ANK3: variants seen among roughly 807,000 people sequenced by gnomAD.
ANK3 encodes ankyrin-3.
ANK3 carries 57 observed loss-of-function variants against 370.9 expected under a neutral mutation model. The ratio of observed to expected loss-of-function variants is 0.15; its 90% CI spans 0.12 to 0.19. The LOEUF (loss-of-function observed/expected upper bound fraction) is 0.19, where lower values mean the gene tolerates loss of function less well. ANK3 is among the 10% of genes least tolerant of loss of function. The pLI is 1.00. For missense variants in ANK3, 4,439 were observed against 5,302.1 expected (o/e 0.84, Z 5.06); for synonymous variants, 1,929 against 1,946.3 (o/e 0.99, Z 0.23).
chr10:60,094,698 CA>C (rs879827729), intron 28 of ANK3, among the ~76,000 whole-genome samples: 62 of 146,614 alleles, frequency 4.2e-4, no homozygotes, highest in South Asian at 1.3e-3. Flanking sequence ...TTGCATAAGT[CA>C]AAAAAAAAAT....
chr10:60,139,870 A>C (rs531151386), intron 23 of ANK3: 82 of 160,190 alleles, frequency 5.1e-4, no homozygotes, highest in African/African-American at 1.4e-3. Context: ...CCACATTCCA[A>C]GAGTGACAAG....
At position 60,674,019 on chromosome 10, in the gene ANK3, C is replaced by A. The variant is rs1269843048; in HGVS notation, c.58-58795G>T. On this transcript the variant is annotated intron_variant, in intron 1 of 43. Transcript: ENST00000373827. ...AGCAGTACATGAGTTTGGGCCAAAGCCTACTGGAGCCATAAATGTTTAGTA... is the reference window on the plus strand; with the variant it reads ...AGCAGTACATGAGTTTGGGCCAAAGACTACTGGAGCCATAAATGTTTAGTA... Among the ~76,000 whole-genome samples, 5 of 152,104 alleles carry A rather than the reference C, an allele frequency of 3.3e-5. No homozygotes were observed. In the South Asian group the frequency reaches 1.0e-3, roughly 31 times the overall value.
At chr10:60,627,480 T>G (rs1394703765) in intron 1 of ANK3, among the ~76,000 whole-genome samples, 2 of 152,114 alleles carry the variant, frequency 1.3e-5, no homozygotes, top group Non-Finnish European at 2.9e-5. Context: ...AATAAAGGTC[T>G]TAATGATCAA....
intron 1 of ANK3, among the ~76,000 whole-genome samples, chr10:60,690,292 C>T (rs1564560294): frequency 2.0e-5 from 3 of 152,082 alleles, no homozygotes; most frequent in Non-Finnish European, 2.9e-5. Flanking sequence ...TCACCTCACC[C>T]GGGAAGCACA....
intron 1 of ANK3, among the ~76,000 whole-genome samples, chr10:60,671,745 C>T (rs993487789): frequency 6.6e-6 from 1 of 152,194 alleles, no homozygotes; most frequent in Non-Finnish European, 1.5e-5. Context: ...TAGGACCACT[C>T]ACAGTGGGGA....
intron 25 of ANK3, among the ~76,000 whole-genome samples, chr10:60,126,145 C>A (rs1055290140): frequency 5.9e-5 from 9 of 152,112 alleles, no homozygotes; most frequent in Non-Finnish European, 1.5e-5. Context: ...TCTTCTAAAC[C>A]AGTCACTATT....
chr10:60,405,090 G>T (rs2063426012), intron 2 of ANK3, among the ~76,000 whole-genome samples: 1 of 152,092 alleles, frequency 6.6e-6, no homozygotes, highest in African/African-American at 2.4e-5. Flanking sequence ...GTGTGAAATT[G>T]CACAACCACT....
intron 35 of ANK3, chr10:60,081,477 T>C (rs1288112583): frequency 4.6e-6 from 2 of 434,984 alleles, no homozygotes; most frequent in Non-Finnish European, 9.1e-6. Flanking sequence ...CTAATTATCA[T>C]ATAACTTAGA....
At chr10:60,218,489 T>G (rs1486545245) in intron 8 of ANK3, among the ~76,000 whole-genome samples, 1 of 152,188 alleles carries the variant, frequency 6.6e-6, no homozygotes, top group African/African-American at 2.4e-5. Context: ...GGTAATGGAA[T>G]CCCTCAGCAT....
intron 2 of ANK3, among the ~76,000 whole-genome samples, chr10:60,536,182 A>G (rs1256551304): frequency 6.6e-6 from 1 of 152,024 alleles, no homozygotes; most frequent in Admixed American, 6.6e-5. Flanking sequence ...CTCTTATCAA[A>G]CCCATTATAA....
intron 1 of ANK3, among the ~76,000 whole-genome samples, chr10:60,336,175 C>T (rs1466795665): frequency 1.3e-5 from 2 of 151,922 alleles, no homozygotes; most frequent in African/African-American, 2.4e-5. Context: ...AGTACTCTTG[C>T]AAAAGGTGAG....
intron 41 of ANK3, among the ~76,000 whole-genome samples, 159 bp from the exon 42 acceptor site, chr10:60,056,195 C>T (rs1381679228): frequency 3.3e-5 from 5 of 152,192 alleles, no homozygotes; most frequent in South Asian, 4.1e-4. Context: ...TGTAGCTGGG[C>T]GCAGTGGCTC....
At chr10:60,572,028 A>G (rs2077611894) in intron 2 of ANK3, among the ~76,000 whole-genome samples, 1 of 152,204 alleles carries the variant, frequency 6.6e-6, no homozygotes, top group East Asian at 1.9e-4. Context: ...TTTAAAGTAT[A>G]ACTATAGGTT....
intron 1 of ANK3, among the ~76,000 whole-genome samples, chr10:60,337,850 T>C (rs2132967127): frequency 6.6e-6 from 1 of 152,354 alleles, no homozygotes; most frequent in South Asian, 2.1e-4. Context: ...AAATATATTA[T>C]TGGAGTACCA....
Position 60,196,669 on chromosome 10 carries a change from A to G in ANK3, c.1690-44T>C, listed in dbSNP as rs369427243. 113 of 1,342,242 alleles carry G rather than the reference A, an allele frequency of 8.4e-5. No homozygotes were observed. In the African/African-American group the frequency reaches 1.5e-3, roughly 18 times the overall value. 83.1% of individuals were successfully genotyped at this position (1,342,242 alleles called of 1,614,324 possible). A position where few individuals can be genotyped will look rare whatever the true frequency, so the allele number is the denominator to read the frequency against. ...AAAAATAATGAACAATAGAAATGAC[A>G]TAAGGAAAACACACACAAAACCCAA... On this transcript the variant is annotated intron_variant, in intron 14 of 43. Transcript: ENST00000280772.
In ANK3 at chr10:60,069,089, GCACATGCTTTT is replaced by G; in HGVS notation, c.11781_11791del (p.Arg3927SerfsTer53). The G allele has an allele frequency of 1.2e-6, 2 of 1,614,014 alleles. No homozygotes were observed. Among genetic ancestry groups the G allele is most frequent in the Non-Finnish European group, 1.7e-6 (2 of 1,179,992 alleles). ...CTCTGGCTGCCCTTGCTTTTGTGTGGCACATGCTTTTCTAACTGCAATTATGTTATCCCTGT... is the reference window on the plus strand; with the variant it reads ...CTCTGGCTGCCCTTGCTTTTGTGTGGCTAACTGCAATTATGTTATCCCTGT... On this transcript the variant is annotated frameshift_variant, in exon 37 of 44. Coordinates refer to ENST00000280772, the MANE Select transcript of ANK3 (RefSeq NM_020987.5). LOFTEE classifies it high-confidence loss of function.
intron 42 of ANK3, among the ~76,000 whole-genome samples, chr10:60,045,576 A>T (rs1395946978): frequency 1.3e-5 from 2 of 152,232 alleles, no homozygotes; most frequent in Non-Finnish European, 1.5e-5. Flanking sequence ...CTAGTATTCC[A>T]GGGTCCTATT....
intron 17 of ANK3, among the ~76,000 whole-genome samples, chr10:60,183,380 GA>G (rs549007759): frequency 6.6e-6 from 1 of 151,574 alleles, no homozygotes; most frequent in African/African-American, 2.4e-5. Context: ...TTAAATCAGA[GA>G]AAAAAAATCA....
intron 42 of ANK3, chr10:60,051,352 C>G (rs2077956606): frequency 3.0e-6 from 1 of 337,308 alleles, no homozygotes; most frequent in African/African-American, 2.2e-5. Context: ...AAAAATTACA[C>G]AAAGCCATTT....
Sources: gnomAD v4.1 joint callset for allele counts (sites outside exome capture counted in the v4.1 genomes callset) on GRCh38, gnomAD v4.1.1 for gene constraint, MANE v1.5 for transcripts, NCBI Gene and HGNC (gene_info 2026-07-23, HGNC 2026-07-21) for gene names.